The following EEF1AKMT1 variants were observed in gnomAD, a reference collection of about 807,000 sequenced individuals.
EEF1AKMT1 encodes EEF1A lysine methyltransferase 1, also known as N-6 adenine-specific DNA methyltransferase 2 (putative).
EEF1AKMT1 carries 18 observed loss-of-function variants against 21.0 expected under a neutral mutation model. The observed-to-expected ratio is 0.86, with a 90% confidence interval of 0.59 to 1.27. EEF1AKMT1 has a LOEUF of 1.27. EEF1AKMT1 is among the 50% of genes most tolerant of loss of function. EEF1AKMT1 has a pLI of 0.00. For synonymous variants in EEF1AKMT1, 109 were observed against 94.8 expected (o/e 1.15, Z -0.87); for missense variants, 246 against 258.6 (o/e 0.95, Z 0.33).
At position 20,760,123 on chromosome 13, in the gene EEF1AKMT1, A is replaced by AG. The variant is rs2058993446; in HGVS notation, c.-19-2507_-19-2506insC. Among the ~76,000 whole-genome samples the AG allele has an allele frequency of 2.4e-5, 3 of 127,466 alleles. 1 individual carries two copies. Among genetic ancestry groups the AG allele is most frequent in the Non-Finnish European group, 3.2e-5 (2 of 63,416 alleles). 83.6% of individuals were successfully genotyped at this position (127,466 alleles called of 152,430 possible). A position where few individuals can be genotyped will look rare whatever the true frequency, so the allele number is the denominator to read the frequency against. ...CTGTCTCAAAAAAAAAAAAAAAAAAAAAGTCAAAAAATAACAGATGTGGGC... is the reference window on the plus strand; with the variant it reads ...CTGTCTCAAAAAAAAAAAAAAAAAAAGAAGTCAAAAAATAACAGATGTGGGC... On this transcript the variant is annotated intron_variant, in intron 1 of 4. Transcript: ENST00000382758.
chr13:20,761,448 C>T (rs778756956), intron 1 of EEF1AKMT1, among the ~76,000 whole-genome samples: 10 of 152,328 alleles, frequency 6.6e-5, no homozygotes, highest in Non-Finnish European at 1.3e-4. Context: ...AGTATGGCCA[C>T]ACTTAACCAT....
At chr13:20,768,687 C>A (rs1452459258) in intron 1 of EEF1AKMT1, among the ~76,000 whole-genome samples, 1 of 151,698 alleles carries the variant, frequency 6.6e-6, no homozygotes. Context: ...AGATTGGACA[C>A]CTCAATCTTT....
chr13:20,754,741 C>CAAAAAAAAAAAAAAAAA (rs56777421), intron 2 of EEF1AKMT1, among the ~76,000 whole-genome samples: 3 of 116,582 alleles, frequency 2.6e-5, no homozygotes, highest in Non-Finnish European at 1.8e-5. Context: ...ACCAAAAATA[C>CAAAAAAAAAAAAAAAAA]AAAAAAAAAA....
At chr13:20,773,662 GCGCGGCACAGGA>G (rs1299563392) in intron 1 of EEF1AKMT1, among the ~76,000 whole-genome samples, 1 of 152,242 alleles carries the variant, frequency 6.6e-6, no homozygotes, top group Admixed American at 6.5e-5. Flanking sequence ...GCGCCAACGT[GCGCGGCACAGGA>G]CGCGGCGCCT....
In EEF1AKMT1 at chr13:20,767,231, G is replaced by A. The variant is rs560722574; in HGVS notation, c.-20+6690C>T. On this transcript the variant is annotated intron_variant, in intron 1 of 4. Transcript: ENST00000382758. ...TGAGGCAGGAGAATGGCATGAACCC[G>A]GGAGGCGGAGCTTGCAGCGAGCCTA... Among the ~76,000 whole-genome samples the A allele has an allele frequency of 2.6e-3, 383 of 149,436 alleles. 4 individuals carry two copies. Among genetic ancestry groups the A allele is most frequent in the African/African-American group, 8.6e-3 (350 of 40,514 alleles).
At chr13:20,739,064 G>A (rs886525406) in intron 2 of EEF1AKMT1, among the ~76,000 whole-genome samples, 2 of 152,004 alleles carry the variant, frequency 1.3e-5, no homozygotes, top group African/African-American at 4.8e-5. Context: ...CTCCTGGGGG[G>A]GTCGTGGTCT....
At chr13:20,746,355 G>A (rs1325842295) in intron 2 of EEF1AKMT1, among the ~76,000 whole-genome samples, 1 of 152,140 alleles carries the variant, frequency 6.6e-6, no homozygotes, top group Non-Finnish European at 1.5e-5. Flanking sequence ...GTTTCACCAT[G>A]TTGGTCAGGC....
At chr13:20,750,175 C>G (rs1027407034) in intron 2 of EEF1AKMT1, among the ~76,000 whole-genome samples, 8 of 152,124 alleles carry the variant, frequency 5.3e-5, no homozygotes, top group African/African-American at 2.4e-5. Flanking sequence ...TATCCATCAC[C>G]TTGAGTATTT....
At chr13:20,748,715 GTTTTTTTTTGGT>G (rs1211025677) in intron 2 of EEF1AKMT1, among the ~76,000 whole-genome samples, 2 of 105,808 alleles carry the variant, frequency 1.9e-5, no homozygotes, top group Non-Finnish European at 1.9e-5. Flanking sequence ...ATGTATAGTT[GTTTTTTTTTGGT>G]TTTTTTTTTT....
intron 3 of EEF1AKMT1, among the ~76,000 whole-genome samples, chr13:20,734,315 G>A (rs1238526497): frequency 6.6e-6 from 1 of 152,202 alleles, no homozygotes; most frequent in Non-Finnish European, 1.5e-5. Context: ...CGGTGGGTCT[G>A]GTGGGGATGG....
chr13:20,740,669 A>G (rs2058864572), intron 2 of EEF1AKMT1, among the ~76,000 whole-genome samples: 1 of 152,102 alleles, frequency 6.6e-6, no homozygotes, highest in Non-Finnish European at 1.5e-5. Context: ...CAGGTGTGGT[A>G]GCATGTGCCT....
At chr13:20,754,536 C>T (rs1286990125) in intron 2 of EEF1AKMT1, among the ~76,000 whole-genome samples, 1 of 152,122 alleles carries the variant, frequency 6.6e-6, no homozygotes, top group African/African-American at 2.4e-5. Flanking sequence ...TCTTGCTAGA[C>T]TTGGGAAGTT....
intron 1 of EEF1AKMT1, among the ~76,000 whole-genome samples, chr13:20,773,062 C>T (rs181824735): frequency 1.6e-4 from 24 of 152,280 alleles, no homozygotes; most frequent in Admixed American, 1.2e-3. Flanking sequence ...ATCCAATTTA[C>T]GTCCAGAAAA....
intron 4 of EEF1AKMT1, among the ~76,000 whole-genome samples, chr13:20,731,083 C>G (rs966787690): frequency 6.6e-6 from 1 of 152,228 alleles, no homozygotes; most frequent in African/African-American, 2.4e-5. Context: ...TTCTTCAAGT[C>G]AGTGAGACCA....
intron 1 of EEF1AKMT1, among the ~76,000 whole-genome samples, chr13:20,767,701 T>G (rs1207116940): frequency 6.6e-6 from 1 of 152,192 alleles, no homozygotes; most frequent in Non-Finnish European, 1.5e-5. Flanking sequence ...TTCTTAAATT[T>G]GGAAAAACTC....
intron 1 of EEF1AKMT1, among the ~76,000 whole-genome samples, chr13:20,764,688 G>A (rs9579948): frequency 0.17 from 25,133 of 151,782 alleles, 2,434 homozygotes; most frequent in African/African-American, 0.26. Context: ...AATTGTTCTC[G>A]TTTGGTGCGT....
rs187765998 is a variant in EEF1AKMT1 at position 20,736,532 on chromosome 13, C to T, written c.227+1191G>A. Among the ~76,000 whole-genome samples the T allele has an allele frequency of 1.7e-3, 259 of 151,826 alleles. 1 individual carries two copies. The highest frequency in any genetic ancestry group is 9.7e-4 in the East Asian group (5 of 5,164). On this transcript the variant is annotated intron_variant, in intron 3 of 4. Coordinates refer to ENST00000382758, the MANE Select transcript of EEF1AKMT1 (RefSeq NM_001318939.2). ...AGGACTCCAGCATGATGATGAAGGG[C>T]GATACCAAGAAAAGAGGTGTCGTAA...
Position 20,757,760 on chromosome 13 carries a change from C to G in EEF1AKMT1, c.-19-143G>C, listed in dbSNP as rs999861422. Reference sequence around the variant, plus strand: ...GTAAACCAAAAATAAAATTCTAAGCCCCCCAGCCAACTGAATAAATCCCTC... The same window carrying G: ...GTAAACCAAAAATAAAATTCTAAGCGCCCCAGCCAACTGAATAAATCCCTC... On this transcript the variant is annotated intron_variant, in intron 1 of 4. Transcript: ENST00000382758. The G allele has an allele frequency of 1.2e-5, 8 of 685,632 alleles. No homozygotes were observed. In the South Asian group the frequency reaches 1.9e-4, roughly 16 times the overall value. The allele number at this position is 685,632 out of a possible 1,614,324, so 42.5% of individuals were successfully genotyped here. A position where few individuals can be genotyped will look rare whatever the true frequency, so the allele number is the denominator to read the frequency against.
chr13:20,731,615 GCA>G (rs2058796247), intron 4 of EEF1AKMT1, among the ~76,000 whole-genome samples: 1 of 152,192 alleles, frequency 6.6e-6, no homozygotes, highest in African/African-American at 2.4e-5. Flanking sequence ...TAGTCACCAT[GCA>G]CCAGACCCAG....
Sources: gnomAD v4.1 joint callset for allele counts (sites outside exome capture counted in the v4.1 genomes callset) on GRCh38, gnomAD v4.1.1 for gene constraint, MANE v1.5 for transcripts, NCBI Gene and HGNC (gene_info 2026-07-23, HGNC 2026-07-21) for gene names.